The following ENOX1 variants were observed in gnomAD, a reference collection of about 807,000 sequenced individuals.
ENOX1 encodes ecto-NOX disulfide-thiol exchanger 1, also known as candidate growth-related and time keeping constitutive hydroquinone (NADH) oxidase.
A neutral mutation model predicts 82.5 loss-of-function variants in ENOX1; 42 were observed. That is an observed-to-expected ratio of 0.51 (90% CI 0.40 to 0.66). ENOX1 has a LOEUF of 0.66. Ranked by LOEUF, ENOX1 falls within the 30% of genes least tolerant of loss-of-function variation. The pLI, the probability that ENOX1 is intolerant of heterozygous loss-of-function variation, is 0.00. For missense variants in ENOX1, 608 were observed against 811.6 expected (o/e 0.75, Z 3.05); for synonymous variants, 271 against 282.2 (o/e 0.96, Z 0.40).
intron 2 of ENOX1, among the ~76,000 whole-genome samples, chr13:43,665,861 C>T (rs1178668997): frequency 2.0e-5 from 3 of 150,392 alleles, no homozygotes; most frequent in Admixed American, 6.7e-5. Context: ...TTAAATTTGG[C>T]CATGGCCTTT....
At chr13:43,783,040 T>C (rs1952366116) in intron 1 of ENOX1, among the ~76,000 whole-genome samples, 2 of 152,204 alleles carry the variant, frequency 1.3e-5, no homozygotes, top group African/African-American at 4.8e-5. Flanking sequence ...GGATAGGAGA[T>C]TGTAATGAGT....
intron 12 of ENOX1, among the ~76,000 whole-genome samples, chr13:43,277,194 C>T (rs559789925): frequency 1.3e-5 from 2 of 152,190 alleles, no homozygotes; most frequent in African/African-American, 4.8e-5. Context: ...AAATCAATTC[C>T]TCTAGGCCTT....
intron 3 of ENOX1, among the ~76,000 whole-genome samples, chr13:43,436,617 T>G (rs948792198): frequency 6.6e-6 from 1 of 152,084 alleles, no homozygotes; most frequent in South Asian, 2.1e-4. Flanking sequence ...ATTGGCCAGC[T>G]GCAAAAAAAG....
At chr13:43,432,195 G>T (rs944608738) in intron 3 of ENOX1, among the ~76,000 whole-genome samples, 1 of 152,004 alleles carries the variant, frequency 6.6e-6, no homozygotes, top group South Asian at 2.1e-4. Context: ...TATGGCAGTC[G>T]TCTCCTGATC....
intron 2 of ENOX1, among the ~76,000 whole-genome samples, chr13:43,598,514 T>C (rs1370508324): frequency 6.6e-6 from 1 of 152,162 alleles, no homozygotes; most frequent in Admixed American, 6.5e-5. Flanking sequence ...ACCTACTCCA[T>C]CTGTTCCTAA....
intron 9 of ENOX1, among the ~76,000 whole-genome samples, chr13:43,332,365 G>A (rs766949053): frequency 3.9e-5 from 6 of 152,220 alleles, no homozygotes; most frequent in African/African-American, 9.6e-5. Context: ...ATCTAATGCC[G>A]CTGCTGATCT....
intron 3 of ENOX1, among the ~76,000 whole-genome samples, chr13:43,463,844 G>C (rs1370897049): frequency 6.6e-6 from 1 of 152,078 alleles, no homozygotes; most frequent in South Asian, 2.1e-4. Context: ...CTACAAAAAA[G>C]AAAATAATCC....
At chr13:43,255,353 C>T (rs150434362) in intron 14 of ENOX1, among the ~76,000 whole-genome samples, 17 of 151,950 alleles carry the variant, frequency 1.1e-4, no homozygotes, top group East Asian at 5.8e-4. Flanking sequence ...TAGGGAAAAA[C>T]GGAATGTTTT....
chr13:43,768,344 A>G (rs1355138127), intron 1 of ENOX1, among the ~76,000 whole-genome samples: 6 of 152,208 alleles, frequency 3.9e-5, no homozygotes, highest in African/African-American at 1.4e-4. Flanking sequence ...GCTCATGTCT[A>G]TAATCCCAGC....
rs193275415 is a variant in ENOX1, at chr13:43,675,056, C to G, written c.-284-7512G>C. ...CACGTTTAGAAGCCTGAATTTCATT[C>G]TAAAAGCACCAAGAAGCCACTGAAT... On this transcript the variant is annotated intron_variant, in intron 1 of 16. Coordinates refer to ENST00000690772, the MANE Select transcript of ENOX1 (RefSeq NM_001347969.2). 1.4e-4 allele frequency among the ~76,000 whole-genome samples: 22 copies of G among 152,254 alleles called. No individual in the cohort carries two copies. The East Asian group carries it at 2.9e-3, about 20-fold the overall frequency.
At chr13:43,219,893 G>A (rs764779131) in intron 16 of ENOX1, among the ~76,000 whole-genome samples, 14 of 152,254 alleles carry the variant, frequency 9.2e-5, no homozygotes, top group Non-Finnish European at 1.3e-4. Context: ...AGGCCGGAGC[G>A]TCAGGGAAGC....
rs527946102 is a variant in ENOX1 at position 43,425,825 on chromosome 13, C to A, written c.-74-12837G>T. On this transcript the variant is annotated intron_variant, in intron 3 of 16. Transcript: ENST00000690772. Reference sequence around the variant, plus strand: ...ACATGAAAGTCATTATAGTTGAAAACCATTTGTAACTGGGCTATCTCACTT... The same window carrying A: ...ACATGAAAGTCATTATAGTTGAAAAACATTTGTAACTGGGCTATCTCACTT... 7.9e-5 allele frequency among the ~76,000 whole-genome samples: 12 copies of A among 152,264 alleles called. 1 individual carries two copies. Among genetic ancestry groups the A allele is most frequent in the Non-Finnish European group, 1.5e-4 (10 of 68,008 alleles).
chr13:43,708,635 C>G (rs1328410110), intron 1 of ENOX1, among the ~76,000 whole-genome samples: 1 of 152,072 alleles, frequency 6.6e-6, no homozygotes, highest in Non-Finnish European at 1.5e-5. Context: ...ACAGAAGCAC[C>G]AAGGTAATTC....
intron 2 of ENOX1, among the ~76,000 whole-genome samples, chr13:43,525,819 T>C (rs141108261): frequency 5.8e-4 from 89 of 152,300 alleles, no homozygotes; most frequent in African/African-American, 2.0e-3. Context: ...CATTTTTTAA[T>C]CAGGCTGCTT....
chr13:43,214,184 G>C, intron 16 of ENOX1, 63 bp from the exon 17 acceptor site: 2 of 1,553,390 alleles, frequency 1.3e-6, no homozygotes, highest in East Asian at 4.6e-5. Flanking sequence ...GGAATGGATT[G>C]GGGAAGGATG....
At position 43,269,380 on chromosome 13, in the gene ENOX1, C is replaced by G. The variant is rs913711411; in HGVS notation, c.1554+90G>C. On this transcript the variant is annotated intron_variant, in intron 13 of 16. Transcript: ENST00000690772. ...GACTAATTGTACTGCAGATTACTTT[C>G]AGTAAATGTTTGCACGGGTGACGCA... is the stretch of plus-strand genomic sequence containing the variant. The G allele has an allele frequency of 4.1e-6, 4 of 980,114 alleles. No homozygotes were observed. The African/African-American group carries it at 6.4e-5, about 16-fold the overall frequency. 60.7% of individuals were successfully genotyped at this position (980,114 alleles called of 1,614,324 possible).
chr13:43,603,143 G>C (rs1441525186), intron 2 of ENOX1, among the ~76,000 whole-genome samples: 1 of 151,904 alleles, frequency 6.6e-6, no homozygotes, highest in Non-Finnish European at 1.5e-5. Context: ...TTGGAAATCA[G>C]AAAGTAACAA....
rs574176183 is a variant in ENOX1 at position 43,251,584 on chromosome 13, T to C, written c.1611+13814A>G. Among the ~76,000 whole-genome samples the C allele has an allele frequency of 2.0e-5, 3 of 152,278 alleles. No individual in the cohort carries two copies. The South Asian group carries it at 6.2e-4, about 32-fold the overall frequency. ...ATAAATTGTAGGAATCTAGAGAAGATGGTGATTGATTTGGACTGATCTTAG... is the reference window on the plus strand; with the variant it reads ...ATAAATTGTAGGAATCTAGAGAAGACGGTGATTGATTTGGACTGATCTTAG... On this transcript the variant is annotated intron_variant, in intron 14 of 16. Coordinates refer to ENST00000690772, the MANE Select transcript of ENOX1 (RefSeq NM_001347969.2).
chr13:43,365,499 G>T (rs1316192702), intron 5 of ENOX1, among the ~76,000 whole-genome samples: 3 of 152,192 alleles, frequency 2.0e-5, no homozygotes, highest in Admixed American at 2.0e-4. Context: ...GGTCCAGGTG[G>T]GGCAGCTGCC....
Sources: gnomAD v4.1 joint callset for allele counts (sites outside exome capture counted in the v4.1 genomes callset) on GRCh38, gnomAD v4.1.1 for gene constraint, MANE v1.5 for transcripts, NCBI Gene and HGNC (gene_info 2026-07-23, HGNC 2026-07-21) for gene names.